The following SNX13 variants were observed in gnomAD, a reference collection of about 807,000 sequenced individuals.
SNX13 encodes sorting nexin-13.
In SNX13, 45 loss-of-function variants were observed where a neutral mutation model predicts 133.6. That is an observed-to-expected ratio of 0.34 (90% CI 0.27 to 0.43). SNX13 has a LOEUF of 0.43. Among genes scored for constraint, SNX13 ranks in the 20% least tolerant of loss-of-function variants. SNX13 has a pLI of 1.00. For missense variants in SNX13, 1,032 were observed against 1,145.1 expected (o/e 0.90, Z 1.43); for synonymous variants, 414 against 373.9 (o/e 1.11, Z -1.24).
chr7:17,860,055 G>T (rs1007207132), intron 9 of SNX13, among the ~76,000 whole-genome samples: 29 of 152,084 alleles, frequency 1.9e-4, no homozygotes, highest in African/African-American at 6.8e-4. Context: ...ATTTTGAGAA[G>T]AACCTCCAAA....
At chr7:17,861,342 TCACACACACACACACACACACACA>T (rs59119505) in intron 9 of SNX13, among the ~76,000 whole-genome samples, 3 of 143,120 alleles carry the variant, frequency 2.1e-5, no homozygotes, top group South Asian at 2.4e-4. Flanking sequence ...TACAGTTATC[TCACACACACACACACACACACACA>T]CACACACACA....
chr7:17,803,349 A>G, intron 21 of SNX13, 70 bp downstream of exon 21: 1 of 1,411,506 alleles, frequency 7.1e-7, no homozygotes, highest in Non-Finnish European at 9.5e-7. Flanking sequence ...GGTAAATCCA[A>G]CCAGAATTCA....
In SNX13 at chr7:17,938,194, CT is replaced by C. The variant is rs1448038818; in HGVS notation, c.12+2089del. On this transcript the variant is annotated intron_variant, in intron 1 of 25. Coordinates refer to ENST00000428135, the MANE Select transcript of SNX13 (RefSeq NM_015132.5). ...AAAAAGCTAAGGTAAAGCAGAAAGT[CT>C]TTTTTAAGTAATAATCATTTTCAGT... Among the ~76,000 whole-genome samples, 10 of 152,242 alleles carry C rather than the reference CT, an allele frequency of 6.6e-5. No individual in the cohort carries two copies. The South Asian group carries it at 2.1e-3, about 32-fold the overall frequency.
In SNX13 at chr7:17,814,956, A is replaced by G; in HGVS notation, c.1954-12T>C. The G allele has an allele frequency of 7.1e-7, 1 of 1,413,236 alleles. No individual in the cohort carries two copies. The highest frequency in any genetic ancestry group is 9.2e-7 in the Non-Finnish European group (1 of 1,089,666). The allele number at this position is 1,413,236 out of a possible 1,614,324, so 87.5% of individuals were successfully genotyped here. The stretch of plus-strand genomic sequence containing the variant: ...GGAGCTAACAGTAACTAACAAGAAA[A>G]AAAAAAAAAAGAAGAGATTATCTTA... On this transcript the variant is annotated splice_polypyrimidine_tract_variant and intron_variant, in intron 19 of 25. Transcript: ENST00000428135.
chr7:17,836,039 A>C (rs1448821618), intron 13 of SNX13, among the ~76,000 whole-genome samples: 2 of 151,990 alleles, frequency 1.3e-5, no homozygotes, highest in African/African-American at 4.8e-5. Context: ...TTTCTAGGAA[A>C]TAAAAAGGGT....
chr7:17,817,848 C>T (rs1292077065), intron 18 of SNX13, among the ~76,000 whole-genome samples: 1 of 152,096 alleles, frequency 6.6e-6, no homozygotes. Flanking sequence ...TTTTAGAAAA[C>T]ACATATTTTT....
At chr7:17,841,553 TAC>T (rs71553704) in intron 12 of SNX13, among the ~76,000 whole-genome samples, 121 of 143,072 alleles carry the variant, frequency 8.5e-4, no homozygotes, top group East Asian at 1.9e-3. Context: ...CAGTTATTCA[TAC>T]ACACACACAC....
At chr7:17,803,992 G>T (rs1784912951) in intron 20 of SNX13, among the ~76,000 whole-genome samples, 1 of 151,788 alleles carries the variant, frequency 6.6e-6, no homozygotes, top group South Asian at 2.1e-4. Flanking sequence ...AGGAGTTCAA[G>T]GCTGCAGTGA....
chr7:17,915,975 C>A (rs2691578), intron 1 of SNX13, among the ~76,000 whole-genome samples: 66,596 of 151,916 alleles, frequency 0.44, 15,584 homozygotes, highest in East Asian at 0.62. Context: ...CTACAGTGGA[C>A]TAAAAATAGA....
intron 8 of SNX13, 92 bp from the exon 9 acceptor site, chr7:17,868,582 G>A: frequency 1.0e-6 from 1 of 953,106 alleles, no homozygotes; most frequent in Admixed American, 2.7e-5. Context: ...TGTTACTTAA[G>A]AAAAGTATGA....
intron 2 of SNX13, among the ~76,000 whole-genome samples, chr7:17,896,068 T>C (rs1797171847): frequency 6.6e-6 from 1 of 152,180 alleles, no homozygotes; most frequent in Non-Finnish European, 1.5e-5. Context: ...GGTGCAACCA[T>C]GTCACTATTC....
chr7:17,799,275 C>G (rs1380420593), intron 22 of SNX13, 121 bp from the exon 23 acceptor site: 1 of 800,118 alleles, frequency 1.2e-6, no homozygotes, highest in Non-Finnish European at 1.8e-6. Flanking sequence ...ACATTTTAGC[C>G]TTTGTAACTT....
At chr7:17,855,298 T>C (rs982951554) in intron 9 of SNX13, among the ~76,000 whole-genome samples, 8 of 152,204 alleles carry the variant, frequency 5.3e-5, no homozygotes, top group Non-Finnish European at 1.0e-4. Context: ...AGTCCTGATG[T>C]AGAAGCTATA....
chr7:17,877,324 C>G (rs1297640487), intron 5 of SNX13, among the ~76,000 whole-genome samples: 1 of 151,952 alleles, frequency 6.6e-6, no homozygotes, highest in Admixed American at 6.6e-5. Context: ...TCAGTCTCAA[C>G]ATAAACCTAA....
chr7:17,866,402 C>G (rs1793403002), intron 9 of SNX13, among the ~76,000 whole-genome samples: 1 of 151,708 alleles, frequency 6.6e-6, no homozygotes, highest in African/African-American at 2.4e-5. Flanking sequence ...TGCTTAACAG[C>G]ACTTATCATC....
At chr7:17,916,941 A>G (rs1330912065) in intron 1 of SNX13, among the ~76,000 whole-genome samples, 1 of 152,212 alleles carries the variant, frequency 6.6e-6, no homozygotes, top group Admixed American at 6.5e-5. Context: ...TGAACCCAAC[A>G]ACATATGAAA....
At chr7:17,829,882 A>G (rs1788287017) in intron 16 of SNX13, 128 bp downstream of exon 16, 3 of 548,716 alleles carry the variant, frequency 5.5e-6, no homozygotes, top group Admixed American at 7.6e-5. Flanking sequence ...TAAAAGCATA[A>G]TAACTTTTTA....
At chr7:17,833,043 A>C (rs1349940418) in intron 15 of SNX13, among the ~76,000 whole-genome samples, 1 of 151,576 alleles carries the variant, frequency 6.6e-6, no homozygotes, top group Non-Finnish European at 1.5e-5. Context: ...ATTCATAAGT[A>C]AACAGTCATA....
At chr7:17,835,171 T>A (rs1008173305) in intron 13 of SNX13, among the ~76,000 whole-genome samples, 1 of 151,886 alleles carries the variant, frequency 6.6e-6, no homozygotes, top group African/African-American at 2.4e-5. Context: ...CTATATAAGG[T>A]TATTTAGGAT....
Sources: gnomAD v4.1 joint callset for allele counts (sites outside exome capture counted in the v4.1 genomes callset) on GRCh38, gnomAD v4.1.1 for gene constraint, MANE v1.5 for transcripts, NCBI Gene and HGNC (gene_info 2026-07-23, HGNC 2026-07-21) for gene names.